Variants in STXBP5L observed in about 807,000 individuals in gnomAD.
STXBP5L encodes syntaxin-binding protein 5-like.
A neutral mutation model predicts 144.5 loss-of-function variants in STXBP5L; 65 were observed. The observed-to-expected ratio is 0.45, with a 90% CI of 0.37 to 0.55. The LOEUF is 0.55. Among genes scored for constraint, STXBP5L ranks in the 20% least tolerant of loss-of-function variants. The pLI is 0.00. For missense variants in STXBP5L, 1,298 were observed against 1,405.5 expected, an observed-to-expected ratio of 0.92 and a Z score of 1.22; for synonymous variants, 505 against 469.6, an observed-to-expected ratio of 1.08 and a Z score of -0.97.
chr3:121,124,929 C>T (rs539476554), intron 7 of STXBP5L, among the ~76,000 whole-genome samples: 1 of 152,040 alleles, frequency 6.6e-6, no homozygotes. Context: ...AACATTCCAC[C>T]TATTTCCAAT....
chr3:121,377,286 C>T (rs1403653052), intron 20 of STXBP5L, among the ~76,000 whole-genome samples: 4 of 152,102 alleles, frequency 2.6e-5, no homozygotes, highest in Non-Finnish European at 5.9e-5. Context: ...ACAAAGATTT[C>T]GTGACTACAA....
At position 120,909,696 on chromosome 3, in the gene STXBP5L, G is replaced by T. The variant is rs376766783; in HGVS notation, c.118G>T (p.Ala40Ser). 123 of 1,612,424 alleles carry T rather than the reference G, an allele frequency of 7.6e-5. No homozygotes were observed. The highest frequency in any genetic ancestry group is 8.1e-5 in the Non-Finnish European group (95 of 1,179,638). The change falls in exon 2 of 27, where the codon GCG becomes TCG. Residue 40 changes from alanine (A) to serine (S), a missense_variant. Transcript: ENST00000471454. ...GGCTGGAAGTGGTTCCGTACATCCG[G>T]CGGGGACTGCAGGGGTTCTCAGAGA... is the stretch of plus-strand genomic sequence containing the variant. ...GGAGSGSVHP[A>S]GTAGVLREEI...
At chr3:120,984,632 C>CTTTTTTTTTTTTTTCTTTTTTTTTTTTTT (rs1942116574) in intron 3 of STXBP5L, among the ~76,000 whole-genome samples, 1 of 71,960 alleles carries the variant, frequency 1.4e-5, no homozygotes, top group African/African-American at 6.1e-5. Context: ...TCTTTCTTTC[C>CTTTTTTTTTTTTTTCTTTTTTTTTTTTTT]TTTTTTTTTT....
rs1244329981 is a variant in STXBP5L, at chr3:121,416,560, T to A, written c.3226+592T>A. ...TCTTGCTCTGTTGCCCAGGCTGGAGTGCAGTGGCCTGATCTAGGCTCACTG... is the reference window on the plus strand; with the variant it reads ...TCTTGCTCTGTTGCCCAGGCTGGAGAGCAGTGGCCTGATCTAGGCTCACTG... On this transcript the variant is annotated intron_variant, in intron 25 of 26. Transcript: ENST00000471454. Among the ~76,000 whole-genome samples, 3 of 151,142 alleles carry A rather than the reference T, an allele frequency of 2.0e-5. No individual in the cohort carries two copies. The East Asian group carries it at 5.8e-4, about 29-fold the overall frequency.
intron 3 of STXBP5L, among the ~76,000 whole-genome samples, chr3:120,998,548 A>G (rs1033875479): frequency 6.6e-6 from 1 of 152,022 alleles, no homozygotes; most frequent in Non-Finnish European, 1.5e-5. Context: ...CCATTCCCCA[A>G]CAGGCCCCAG....
chr3:121,142,949 T>C (rs985970886), intron 7 of STXBP5L, among the ~76,000 whole-genome samples: 1 of 151,638 alleles, frequency 6.6e-6, no homozygotes, highest in Admixed American at 6.6e-5. Context: ...TTTGAAAAGA[T>C]CAACAAAATT....
intron 2 of STXBP5L, among the ~76,000 whole-genome samples, chr3:120,910,821 A>G (rs1708796857): frequency 6.6e-6 from 1 of 152,186 alleles, no homozygotes; most frequent in South Asian, 2.1e-4. Flanking sequence ...TATAGTTATT[A>G]GTTTACATAA....
intron 20 of STXBP5L, among the ~76,000 whole-genome samples, chr3:121,366,143 C>A (rs2045858658): frequency 6.6e-6 from 1 of 151,920 alleles, no homozygotes; most frequent in Non-Finnish European, 1.5e-5. Context: ...TGGCATCTAT[C>A]TTTTTAAGTC....
At chr3:121,412,727 C>CA (rs35247157) in intron 23 of STXBP5L, among the ~76,000 whole-genome samples, 17,728 of 69,012 alleles carry the variant, frequency 0.26, 1,717 homozygotes, top group Middle Eastern at 0.33. Context: ...TTTCTCCCTC[C>CA]AAAAAAAAAA....
chr3:121,228,358 A>C (rs564362576), intron 11 of STXBP5L, among the ~76,000 whole-genome samples: 36 of 152,294 alleles, frequency 2.4e-4, no homozygotes, highest in Non-Finnish European at 3.5e-4. Context: ...TGGTTACATA[A>C]AATAATTCAG....
intron 15 of STXBP5L, among the ~76,000 whole-genome samples, chr3:121,253,259 A>G (rs900447826): frequency 2.0e-5 from 3 of 151,894 alleles, no homozygotes; most frequent in African/African-American, 7.2e-5. Context: ...CATTGCAAAA[A>G]AAAAAAAAGT....
chr3:121,097,617 C>G (rs2043195786), intron 5 of STXBP5L, among the ~76,000 whole-genome samples: 1 of 152,320 alleles, frequency 6.6e-6, no homozygotes, highest in Admixed American at 6.5e-5. Context: ...CCCCACCCTG[C>G]TTCAGATCAC....
chr3:121,076,759 T>C (rs762986116), intron 5 of STXBP5L, among the ~76,000 whole-genome samples: 1 of 152,184 alleles, frequency 6.6e-6, no homozygotes, highest in Non-Finnish European at 1.5e-5. Context: ...TAAAACCTTT[T>C]TTAAAGTTTT....
intron 19 of STXBP5L, among the ~76,000 whole-genome samples, chr3:121,304,301 C>G (rs1398877756): frequency 6.6e-6 from 1 of 152,138 alleles, no homozygotes; most frequent in Non-Finnish European, 1.5e-5. Flanking sequence ...TTCATCATTT[C>G]TCTTTTGTAA....
chr3:121,034,351 T>G (rs115484446), intron 3 of STXBP5L, among the ~76,000 whole-genome samples: 1 of 152,128 alleles, frequency 6.6e-6, no homozygotes, highest in Non-Finnish European at 1.5e-5. Flanking sequence ...TGTGGACACG[T>G]TATTTAACTC....
chr3:121,056,767 C>A (rs768688559), intron 5 of STXBP5L, among the ~76,000 whole-genome samples: 1 of 151,836 alleles, frequency 6.6e-6, no homozygotes, highest in Non-Finnish European at 1.5e-5. Context: ...TCTTTATAGA[C>A]GTTCATTACA....
intron 5 of STXBP5L, among the ~76,000 whole-genome samples, chr3:121,057,462 A>G (rs551463866): frequency 6.6e-6 from 1 of 152,214 alleles, no homozygotes; most frequent in African/African-American, 2.4e-5. Flanking sequence ...AAATTACTAG[A>G]TTCATAGAAA....
chr3:121,064,709 T>C (rs1251140282), intron 5 of STXBP5L, among the ~76,000 whole-genome samples: 2 of 152,254 alleles, frequency 1.3e-5, no homozygotes, highest in South Asian at 2.1e-4. Flanking sequence ...TTTTAGGTTT[T>C]GTCTTAAATA....
chr3:121,329,478 T>A (rs2044253779), intron 20 of STXBP5L, among the ~76,000 whole-genome samples: 1 of 152,218 alleles, frequency 6.6e-6, no homozygotes, highest in South Asian at 2.1e-4. Context: ...TAGGAGGAAA[T>A]TCTGTGGCAA....
Sources: allele counts gnomAD v4.1 joint callset (sites outside exome capture counted in the v4.1 genomes callset), GRCh38; gene constraint gnomAD v4.1.1; transcripts MANE v1.5; gene names NCBI Gene and HGNC (gene_info 2026-07-23, HGNC 2026-07-21).